Variants in CHN1 observed in about 807,000 individuals in gnomAD.
The protein encoded by CHN1 is chimerin 1, also known as N-chimaerin.
CHN1 carries 37 observed loss-of-function variants against 59.5 expected under a neutral mutation model. The ratio of observed to expected loss-of-function variants is 0.62; its 90% CI spans 0.48 to 0.82. The LOEUF is 0.82. Among genes scored for constraint, CHN1 ranks in the 40% least tolerant of loss-of-function variants. CHN1 has a pLI of 0.00. For synonymous variants in CHN1, 206 were observed against 200.4 expected (o/e 1.03, Z -0.24); for missense variants, 469 against 571.0 (o/e 0.82, Z 1.82).
chr2:174,957,450 G>GT (rs1553486968), intron 1 of CHN1, among the ~76,000 whole-genome samples: 1 of 143,096 alleles, frequency 7.0e-6, no homozygotes, highest in Non-Finnish European at 1.5e-5. Flanking sequence ...GTGTGTTGGG[G>GT]GGGGGGGCAG....
chr2:174,887,027 T>C (rs1179738345), intron 5 of CHN1, among the ~76,000 whole-genome samples: 1 of 152,178 alleles, frequency 6.6e-6, no homozygotes, highest in Admixed American at 6.5e-5. Context: ...TGTTTTCTGT[T>C]ACTTCTGTTA....
At chr2:174,917,015 A>C (rs1688866484) in intron 4 of CHN1, among the ~76,000 whole-genome samples, 1 of 152,210 alleles carries the variant, frequency 6.6e-6, no homozygotes, top group Non-Finnish European at 1.5e-5. Context: ...AACATGGTGA[A>C]ACCCCATCTC....
rs1685110127 is a variant in CHN1 at position 174,812,491 on chromosome 2, A to C, written c.713-9T>G. Reference sequence around the variant, plus strand: ...AACATTCAAACCACAATCTAAGAAAAGAATAAAGAAAGGAAACATTCAATA... The same window carrying C: ...AACATTCAAACCACAATCTAAGAAACGAATAAAGAAAGGAAACATTCAATA... On this transcript the variant is annotated splice_polypyrimidine_tract_variant and intron_variant, in intron 8 of 12. Coordinates refer to ENST00000409900, the MANE Select transcript of CHN1 (RefSeq NM_001822.7). 3 of 1,613,466 alleles carry C rather than the reference A, an allele frequency of 1.9e-6. No individual in the cohort carries two copies. Among genetic ancestry groups the C allele is most frequent in the Non-Finnish European group, 2.5e-6 (3 of 1,179,604 alleles).
At chr2:174,943,641 C>T (rs1203128957) in intron 3 of CHN1, among the ~76,000 whole-genome samples, 1 of 152,102 alleles carries the variant, frequency 6.6e-6, no homozygotes, top group African/African-American at 2.4e-5. Flanking sequence ...ATCTCACTCC[C>T]ATCTCTATTT....
intron 7 of CHN1, among the ~76,000 whole-genome samples, chr2:174,825,441 T>C (rs1032334167): frequency 1.3e-5 from 2 of 152,186 alleles, no homozygotes. Flanking sequence ...CCATTCCAGC[T>C]CATAAAGGTT....
At chr2:174,875,780 T>G in intron 6 of CHN1, 1 of 981,180 alleles carries the variant, frequency 1.0e-6, no homozygotes, top group Non-Finnish European at 1.2e-6. Flanking sequence ...ATGATTGTCT[T>G]TACTTACAAA....
At chr2:174,834,340 C>T (rs1319020307) in intron 7 of CHN1, among the ~76,000 whole-genome samples, 2 of 152,154 alleles carry the variant, frequency 1.3e-5, no homozygotes, top group East Asian at 1.9e-4. Flanking sequence ...GTTACCCATG[C>T]TTACTATTAC....
intron 1 of CHN1, among the ~76,000 whole-genome samples, chr2:174,958,322 T>C (rs1690282248): frequency 6.6e-6 from 1 of 152,190 alleles, no homozygotes; most frequent in Non-Finnish European, 1.5e-5. Context: ...GCAATAACCA[T>C]GAATGTAAGT....
chr2:174,893,126 T>C (rs1688104897), intron 5 of CHN1, among the ~76,000 whole-genome samples: 1 of 152,112 alleles, frequency 6.6e-6, no homozygotes, highest in East Asian at 1.9e-4. Context: ...GCAGAGCAAT[T>C]AGGCAAGAAA....
intron 6 of CHN1, among the ~76,000 whole-genome samples, chr2:174,872,895 CAAAATCTTTGCA>C (rs1159281005): frequency 6.6e-6 from 1 of 152,160 alleles, no homozygotes; most frequent in Non-Finnish European, 1.5e-5. Flanking sequence ...GGCCACATTA[CAAAATCTTTGCA>C]ATACTCCTGT....
At chr2:174,840,136 G>A (rs1686238924) in intron 7 of CHN1, among the ~76,000 whole-genome samples, 1 of 144,638 alleles carries the variant, frequency 6.9e-6, no homozygotes, top group Admixed American at 6.9e-5. Flanking sequence ...AAGGTATTTT[G>A]CCAGTGTTTA....
At chr2:174,836,087 C>T (rs1686066885) in intron 7 of CHN1, among the ~76,000 whole-genome samples, 1 of 152,174 alleles carries the variant, frequency 6.6e-6, no homozygotes, top group Non-Finnish European at 1.5e-5. Flanking sequence ...TTGCACCTCC[C>T]CCACGACCCC....
chr2:174,932,238 T>C (rs1396045081), intron 3 of CHN1, among the ~76,000 whole-genome samples: 1 of 152,192 alleles, frequency 6.6e-6, no homozygotes, highest in Non-Finnish European at 1.5e-5. Context: ...TTCTCGTTTA[T>C]ATAACATTCC....
At chr2:174,810,676 A>T (rs2600713) in intron 10 of CHN1, among the ~76,000 whole-genome samples, 149,883 of 152,294 alleles carry the variant, frequency 0.98, 73,804 homozygotes, top group Middle Eastern at 1. Flanking sequence ...TATCACATAC[A>T]TGGGCTGGCC....
chr2:174,810,008 T>G (rs775233792), intron 10 of CHN1, among the ~76,000 whole-genome samples: 11 of 152,202 alleles, frequency 7.2e-5, no homozygotes, highest in Non-Finnish European at 1.5e-4. Flanking sequence ...CAAACTTGCC[T>G]TTTCACCTTG....
intron 1 of CHN1, among the ~76,000 whole-genome samples, chr2:174,964,465 G>C (rs2105430319): frequency 6.6e-6 from 1 of 152,314 alleles, no homozygotes; most frequent in South Asian, 2.1e-4. Context: ...CATGGAAACT[G>C]AATCAGACAG....
chr2:174,955,080 T>C (rs1016132625), intron 1 of CHN1, among the ~76,000 whole-genome samples: 1 of 150,916 alleles, frequency 6.6e-6, no homozygotes, highest in African/African-American at 2.4e-5. Context: ...AAATGCGGTA[T>C]ATACATCTAT....
intron 1 of CHN1, among the ~76,000 whole-genome samples, chr2:174,964,236 T>C (rs1038644866): frequency 2.0e-5 from 3 of 152,068 alleles, no homozygotes; most frequent in African/African-American, 7.2e-5. Flanking sequence ...TTTTCTTAGT[T>C]CTCCCAAGTA....
At chr2:174,983,598 G>A (rs770163030) in intron 1 of CHN1, among the ~76,000 whole-genome samples, 1 of 151,996 alleles carries the variant, frequency 6.6e-6, no homozygotes, top group African/African-American at 2.4e-5. Context: ...GGGAGGCCGA[G>A]GCGGGTGGAT....
Sources: gnomAD v4.1 joint callset for allele counts (sites outside exome capture counted in the v4.1 genomes callset) on GRCh38, gnomAD v4.1.1 for gene constraint, MANE v1.5 for transcripts, NCBI Gene and HGNC (gene_info 2026-07-23, HGNC 2026-07-21) for gene names.